Variants in PPP1R13B observed in about 807,000 individuals in gnomAD.
PPP1R13B encodes protein phosphatase 1 regulatory subunit 13B.
PPP1R13B carries 44 observed loss-of-function variants against 119.8 expected under a neutral mutation model. That is an observed-to-expected ratio of 0.37 (90% CI 0.29 to 0.47). The LOEUF is 0.47. Among genes scored for constraint, PPP1R13B ranks in the 20% least tolerant of loss-of-function variants. The pLI is 0.99. For synonymous variants in PPP1R13B, 542 were observed against 561.5 expected, an observed-to-expected ratio of 0.97 and a Z score of 0.49; for missense variants, 1,227 against 1,413.5, an observed-to-expected ratio of 0.87 and a Z score of 2.12.
At chr14:103,796,928 G>A (rs550768649) in intron 2 of PPP1R13B, among the ~76,000 whole-genome samples, 1 of 152,084 alleles carries the variant, frequency 6.6e-6, no homozygotes, top group South Asian at 2.1e-4. Context: ...CTGCACTCCA[G>A]CCTGTGGGAG....
intron 1 of PPP1R13B, among the ~76,000 whole-genome samples, chr14:103,840,830 G>T (rs896108660): frequency 2.0e-4 from 31 of 151,812 alleles, no homozygotes; most frequent in African/African-American, 6.1e-4. Flanking sequence ...GAACATTATT[G>T]TGTATTTTGA....
At chr14:103,735,555 GC>G (rs1274076359) in intron 16 of PPP1R13B, among the ~76,000 whole-genome samples, 3 of 152,178 alleles carry the variant, frequency 2.0e-5, no homozygotes, top group African/African-American at 7.2e-5. Flanking sequence ...GCTCTGCAGG[GC>G]ACAAAGAGAG....
At chr14:103,825,846 CTTTT>C (rs67751577) in intron 1 of PPP1R13B, among the ~76,000 whole-genome samples, 3 of 143,668 alleles carry the variant, frequency 2.1e-5, no homozygotes, top group Non-Finnish European at 3.0e-5. Flanking sequence ...TTTTTCTTTT[CTTTT>C]TTTTTTTTTT....
chr14:103,804,983 C>T (rs1354728319), intron 1 of PPP1R13B, among the ~76,000 whole-genome samples: 1 of 152,106 alleles, frequency 6.6e-6, no homozygotes, highest in Non-Finnish European at 1.5e-5. Flanking sequence ...ATTATAGGCG[C>T]ACGCTATCAC....
At position 103,736,661 on chromosome 14, in the gene PPP1R13B, TGTG is replaced by T. The variant is rs973850714; in HGVS notation, c.3032-462_3032-460del. On this transcript the variant is annotated intron_variant, in intron 15 of 16. Transcript: ENST00000202556. ...GGACACTCTGCTTCTGAGACCCAGT[TGTG>T]GTGACCATGGGGAGCTTCCCTTCCC... The T allele has an allele frequency of 8.4e-4, 136 of 161,812 alleles. 1 individual carries two copies. Among genetic ancestry groups the T allele is most frequent in the African/African-American group, 2.7e-3 (115 of 41,910 alleles). The allele number at this position is 161,812 out of a possible 1,614,324, so 10.0% of individuals were successfully genotyped here. A position where few individuals can be genotyped will look rare whatever the true frequency, so the allele number is the denominator to read the frequency against.
intron 1 of PPP1R13B, among the ~76,000 whole-genome samples, chr14:103,801,558 G>A (rs138867748): frequency 7.2e-4 from 109 of 152,056 alleles, no homozygotes; most frequent in Middle Eastern, 3.4e-3. Flanking sequence ...TCCCTTTACC[G>A]CCTCCGCTCA....
rs1233642411 is a variant in PPP1R13B at position 103,740,630 on chromosome 14, A to AC, written c.1823-38dup. The AC allele has an allele frequency of 6.8e-7, 1 of 1,467,664 alleles. No individual in the cohort carries two copies. The highest frequency in any genetic ancestry group is 9.0e-7 in the Non-Finnish European group (1 of 1,109,280). The allele number at this position is 1,467,664 out of a possible 1,614,324, so 90.9% of individuals were successfully genotyped here. A position where few individuals can be genotyped will look rare whatever the true frequency, so the allele number is the denominator to read the frequency against. On this transcript the variant is annotated intron_variant, in intron 11 of 16. Transcript: ENST00000202556. This position sits in a 1 kb window ranked among gnomAD's most constrained non-coding sequence, Gnocchi z 4.6. ...ACAAAGGACAGGCAATTTTGACCTC[A>AC]CTACAGAGATCTAGTCATACACACC...
At chr14:103,843,156 G>A (rs574880522) in intron 1 of PPP1R13B, among the ~76,000 whole-genome samples, 56 of 151,930 alleles carry the variant, frequency 3.7e-4, no homozygotes, top group Admixed American at 9.2e-4. Context: ...CAGATAACTG[G>A]AGGCCAGGAG....
intron 8 of PPP1R13B, among the ~76,000 whole-genome samples, chr14:103,747,627 C>A (rs115199434): frequency 0.012 from 1,852 of 152,152 alleles, 36 homozygotes; most frequent in African/African-American, 0.042. Flanking sequence ...GCAGTGCACA[C>A]TGCACACAAT....
chr14:103,843,395 T>C (rs1030750794), intron 1 of PPP1R13B, among the ~76,000 whole-genome samples: 7 of 152,044 alleles, frequency 4.6e-5, no homozygotes, highest in Non-Finnish European at 8.8e-5. Context: ...TAAATCATGC[T>C]GAATCAAGGC....
intron 1 of PPP1R13B, among the ~76,000 whole-genome samples, chr14:103,838,933 T>C (rs1419458522): frequency 6.6e-6 from 1 of 152,230 alleles, no homozygotes; most frequent in African/African-American, 2.4e-5. Flanking sequence ...TAAAGTCACC[T>C]AGGCAATGAC....
At chr14:103,744,338 AAAAC>A (rs1380303157) in intron 9 of PPP1R13B, among the ~76,000 whole-genome samples, 3 of 152,214 alleles carry the variant, frequency 2.0e-5, no homozygotes, top group Non-Finnish European at 4.4e-5. Flanking sequence ...TAATTTTGTA[AAAAC>A]AAACAAAAAA....
chr14:103,778,556 G>C lies in PPP1R13B; in HGVS notation c.354+189C>G, dbSNP rs529722818. The C allele has an allele frequency of 1.1e-4, 61 of 568,510 alleles. No individual in the cohort carries two copies. In the African/African-American group the frequency reaches 1.1e-3, roughly 10 times the overall value. The allele number at this position is 568,510 out of a possible 1,614,324, so 35.2% of individuals were successfully genotyped here. A position where few individuals can be genotyped will look rare whatever the true frequency, so the allele number is the denominator to read the frequency against. ...ATTACATGTGTGAGCCACACACCTG[G>C]CCTCATCTGATTAATTTTTTAAAAC... On this transcript the variant is annotated intron_variant, in intron 4 of 16. Coordinates refer to ENST00000202556, the MANE Select transcript of PPP1R13B (RefSeq NM_015316.3).
rs2084041233 is a variant in PPP1R13B at position 103,734,597 on chromosome 14, G to C, written c.*557C>G. On this transcript the variant is annotated 3_prime_UTR_variant, in exon 17 of 17. Coordinates refer to ENST00000202556, the MANE Select transcript of PPP1R13B (RefSeq NM_015316.3). ...GAAGCGGAACCCCCAAGGCGGCCGA[G>C]CAGAGTGGGTACTGGGAGGCATACA... 1 of 456,428 alleles carries C rather than the reference G, an allele frequency of 2.2e-6. No individual in the cohort carries two copies. Among genetic ancestry groups the C allele is most frequent in the Non-Finnish European group, 4.4e-6 (1 of 226,822 alleles). The allele number at this position is 456,428 out of a possible 1,614,324, so 28.3% of individuals were successfully genotyped here.
intron 16 of PPP1R13B, among the ~76,000 whole-genome samples, chr14:103,735,518 C>T (rs1371232137): frequency 6.6e-6 from 1 of 152,202 alleles, no homozygotes; most frequent in Non-Finnish European, 1.5e-5. Flanking sequence ...TGGCCAAGAA[C>T]GTTGGCTCAA....
rs1444957239 is a variant in PPP1R13B, at chr14:103,797,518, T to C, written c.10A>G (p.Met4Val). The change falls in exon 2 of 17, where the codon ATG becomes GTG. Residue 4 changes from methionine to valine, a missense_variant and splice_region_variant. By Grantham distance (21) the Met-to-Val change is conservative. Coordinates refer to ENST00000202556, the MANE Select transcript of PPP1R13B (RefSeq NM_015316.3). ...TTGCTCAAGAAAACAGTTAATATCA[T>C]CTGTAAGACAAAAGAGTAAAGCTGT... Reference protein sequence around the residue: MMPMILTVFLSNNE... With the variant: MMPVILTVFLSNNE... 3.7e-6 allele frequency: 6 copies of C among 1,609,050 alleles called. No individual in the cohort carries two copies. The African/African-American group carries it at 8.0e-5, about 22-fold the overall frequency.
intron 1 of PPP1R13B, among the ~76,000 whole-genome samples, chr14:103,839,324 T>C (rs556210936): frequency 1.3e-5 from 2 of 152,068 alleles, no homozygotes; most frequent in East Asian, 4.0e-4. Flanking sequence ...CTGTGTTTCA[T>C]TTCTGATAAA....
chr14:103,789,390 G>A (rs1169649352), intron 2 of PPP1R13B, among the ~76,000 whole-genome samples: 12 of 150,402 alleles, frequency 8.0e-5, no homozygotes, highest in Admixed American at 6.6e-4. Flanking sequence ...AGCTATTTTT[G>A]TATTTAGTAG....
intron 4 of PPP1R13B, among the ~76,000 whole-genome samples, chr14:103,765,070 G>A (rs982699115): frequency 3.9e-5 from 6 of 152,158 alleles, no homozygotes; most frequent in Non-Finnish European, 7.3e-5. Context: ...CGCCCGCCTC[G>A]GCCTCCCAGA....
Sources: allele counts gnomAD v4.1 joint callset (sites outside exome capture counted in the v4.1 genomes callset), GRCh38; gene constraint gnomAD v4.1.1; non-coding constraint Gnocchi (gnomAD v3.1); transcripts MANE v1.5; gene names NCBI Gene and HGNC (gene_info 2026-07-23, HGNC 2026-07-21).